IDI1: variants seen among roughly 807,000 people sequenced by gnomAD.
IDI1 encodes the protein isopentenyl-diphosphate delta isomerase 1, also known as isopentenyl-diphosphate Delta-isomerase 1.
A neutral mutation model predicts 32.9 loss-of-function variants in IDI1; 23 were observed. That is an observed-to-expected ratio of 0.70 (90% CI 0.50 to 0.99). The LOEUF (loss-of-function observed/expected upper bound fraction) is 0.99, where lower values mean the gene tolerates loss of function less well. Among genes scored for constraint, IDI1 ranks in the 50% least tolerant of loss-of-function variants. The pLI, the probability that IDI1 is intolerant of heterozygous loss-of-function variation, is 0.00. For missense variants in IDI1, 326 were observed against 351.9 expected (o/e 0.93, Z 0.59); for synonymous variants, 133 against 128.2 (o/e 1.04, Z -0.25).
chr10:1,042,077 G>T (rs1341878013), intron 4 of IDI1, among the ~76,000 whole-genome samples: 1 of 152,092 alleles, frequency 6.6e-6, no homozygotes, highest in Non-Finnish European at 1.5e-5. Context: ...AAAGTGCTGG[G>T]ATTACAGGCG....
At position 1,049,081 on chromosome 10, in the gene IDI1, C is replaced by CCTGTGACAACGG. The variant is rs1294486485; in HGVS notation, c.-90_-79dup. On this transcript the variant is annotated 5_prime_UTR_variant, in exon 1 of 5. Transcript: ENST00000381344. ...TCGCCTGGTGGTGCCACCTCCCTGG[C>CCTGTGACAACGG]CTGTGACAACGGCAGACGCGCGAAG... is the stretch of plus-strand genomic sequence containing the variant. The CCTGTGACAACGG allele has an allele frequency of 1.1e-5, 15 of 1,420,718 alleles. No individual in the cohort carries two copies. The highest frequency in any genetic ancestry group is 2.0e-4 in the Middle Eastern group (1 of 4,998). The allele number at this position is 1,420,718 out of a possible 1,614,324, so 88.0% of individuals were successfully genotyped here.
At chr10:1,049,281 T>A (rs563633511), upstream of IDI1, 181 of 493,168 alleles carry the variant, frequency 3.7e-4, no homozygotes, top group Non-Finnish European at 5.9e-4. Context: ...CTGCGAACGG[T>A]GCCTAACGTC....
chr10:1,052,137 C>G (rs180862792), upstream of IDI1, among the ~76,000 whole-genome samples: 166 of 152,294 alleles, frequency 1.1e-3, 1 homozygote, highest in African/African-American at 3.9e-3. Flanking sequence ...TCTCAAAATG[C>G]TGGGATTATA....
At chr10:1,048,457 C>T in intron 1 of IDI1, 5 of 1,262,214 alleles carry the variant, frequency 4.0e-6, no homozygotes, top group Non-Finnish European at 5.1e-6. Flanking sequence ...AGGCCGGTGT[C>T]GTCACGCTCG....
At chr10:1,051,149 C>T (rs1345042987), upstream of IDI1, among the ~76,000 whole-genome samples, 1 of 152,144 alleles carries the variant, frequency 6.6e-6, no homozygotes, top group Non-Finnish European at 1.5e-5. Context: ...TTGGAAAATA[C>T]TGATTTACTG....
intron 2 of IDI1, 197 bp downstream of exon 2, chr10:1,043,802 G>C (rs931177927): frequency 1.5e-6 from 1 of 673,388 alleles, no homozygotes; most frequent in Non-Finnish European, 2.7e-6. Context: ...CGAGTAACAG[G>C]CATGAAGTGA....
At chr10:1,053,517 A>T (rs1265456025), upstream of IDI1, among the ~76,000 whole-genome samples, 1 of 152,170 alleles carries the variant, frequency 6.6e-6, no homozygotes, top group African/African-American at 2.4e-5. Flanking sequence ...TATCAGCAAT[A>T]AAGCTGTTTT....
At chr10:1,056,660 G>A in the IDI1 span, 2 of 152,238 alleles carry the variant, frequency 1.3e-5, no homozygotes, top group Non-Finnish European at 2.9e-5. Flanking sequence ...CAGCCGAAGG[G>A]GTCTTCAGCG....
chr10:1,042,497 T>A, intron 4 of IDI1, 135 bp downstream of exon 4: 1 of 793,590 alleles, frequency 1.3e-6, no homozygotes, highest in Non-Finnish European at 2.2e-6. Flanking sequence ...TTATTCAAGA[T>A]GGTTTGTGGG....
chr10:1,041,358 A>G lies in IDI1; in HGVS notation c.684T>C (p.Tyr228=). The G allele has an allele frequency of 6.2e-7, 1 of 1,613,764 alleles. No homozygotes were observed. Among genetic ancestry groups the G allele is most frequent in the Non-Finnish European group, 8.5e-7 (1 of 1,179,774 alleles). ...TTAGTTCTTCCTTTGACACATAACA[A>G]TAGCTTTTAATCTCATTGGGATCTG... ...LNPDPNEIKS[Y]CYVSKEELKE... Residue 228 remains tyrosine, a synonymous_variant, in exon 5 of 5, where the codon TAT becomes TAC. Coordinates refer to ENST00000381344, the MANE Select transcript of IDI1 (RefSeq NM_004508.4).
upstream of IDI1, among the ~76,000 whole-genome samples, chr10:1,050,148 T>G (rs557298546): frequency 3.3e-5 from 5 of 152,230 alleles, no homozygotes; most frequent in South Asian, 1.0e-3. Context: ...TTTTGCTCAC[T>G]GTTGTTTACT....
At chr10:1,053,701 CAGT>C (rs920952765), upstream of IDI1, among the ~76,000 whole-genome samples, 1 of 151,808 alleles carries the variant, frequency 6.6e-6, no homozygotes, top group Non-Finnish European at 1.5e-5. Flanking sequence ...TTTTATGAAA[CAGT>C]AGCCATTTTA....
At position 1,041,288 on chromosome 10, in the gene IDI1, G is replaced by T. The variant is rs1832573158; in HGVS notation, c.754C>A (p.Pro252Thr). ...GTCGCTGCAATAATTTTAAACCATG[G>T]CGTTATCTTAATTTCACCACTGGCT... Reference protein sequence around the residue: ...KAASGEIKITPWFKIIAATFL... With the variant: ...KAASGEIKITTWFKIIAATFL... The change falls in exon 5 of 5, where the codon CCA becomes ACA. Residue 252 changes from proline (P) to threonine (T), a missense_variant. Around this residue, in one of 2 missense-constraint regions of IDI1, gnomAD observed 205 missense variants for 273.5 expected, o/e 0.75. Coordinates refer to ENST00000381344, the MANE Select transcript of IDI1 (RefSeq NM_004508.4). 4 of 1,613,038 alleles carry T rather than the reference G, an allele frequency of 2.5e-6. No homozygotes were observed. The highest frequency in any genetic ancestry group is 3.4e-6 in the Non-Finnish European group (4 of 1,179,208).
intron 2 of IDI1, 200 bp downstream of exon 2, chr10:1,043,799 C>T (rs1452022230): frequency 1.5e-6 from 1 of 678,658 alleles, no homozygotes; most frequent in African/African-American, 1.8e-5. Context: ...AGCCGAGTAA[C>T]AGGCATGAAG....
upstream of IDI1, among the ~76,000 whole-genome samples, chr10:1,050,045 C>T (rs578197097): frequency 6.6e-6 from 1 of 152,308 alleles, no homozygotes; most frequent in South Asian, 2.1e-4. Context: ...AAATACTGAA[C>T]TTGTGAGATG....
intron 1 of IDI1, 34 bp from the exon 2 acceptor site, chr10:1,044,205 C>T: frequency 1.3e-6 from 2 of 1,543,342 alleles, no homozygotes; most frequent in Middle Eastern, 1.7e-4. Context: ...GAAAGGCCAT[C>T]ATATATTTTT....
At chr10:1,041,943 T>C (rs940227901) in intron 4 of IDI1, among the ~76,000 whole-genome samples, 1 of 151,802 alleles carries the variant, frequency 6.6e-6, no homozygotes, top group Non-Finnish European at 1.5e-5. Context: ...GTAGCTGGGA[T>C]TACAGACGTG....
rs1313112144 is a variant in IDI1 at position 1,040,698 on chromosome 10, T to C, written c.*489A>G. On this transcript the variant is annotated 3_prime_UTR_variant, in exon 5 of 5. Transcript: ENST00000381344. ...AACCTGCTCTGCTAGTTTAATCTGC[T>C]AATATGAAAGTTAATTAAGACTGTT... The C allele has an allele frequency of 6.5e-6, 1 of 154,088 alleles. No homozygotes were observed. Among genetic ancestry groups the C allele is most frequent in the Non-Finnish European group, 1.4e-5 (1 of 69,252 alleles). The allele number at this position is 154,088 out of a possible 1,614,324, so 9.5% of individuals were successfully genotyped here. A position where few individuals can be genotyped will look rare whatever the true frequency, so the allele number is the denominator to read the frequency against.
the IDI1 span, among the ~76,000 whole-genome samples, chr10:1,055,346 G>T: frequency 6.6e-6 from 1 of 152,148 alleles, no homozygotes; most frequent in Non-Finnish European, 1.5e-5. Flanking sequence ...GACATGTCAT[G>T]CTCTCAGTTA....
Sources: allele counts gnomAD v4.1 joint callset (sites outside exome capture counted in the v4.1 genomes callset), GRCh38; gene constraint gnomAD v4.1.1; regional missense constraint gnomAD v4.1.1; transcripts MANE v1.5; gene names NCBI Gene and HGNC (gene_info 2026-07-23, HGNC 2026-07-21).